THSD7B: variants seen among roughly 807,000 people sequenced by gnomAD.
THSD7B encodes thrombospondin type-1 domain-containing protein 7B.
In THSD7B, 138 loss-of-function variants were observed where a neutral mutation model predicts 213.6. The observed-to-expected ratio is 0.65, with a 90% CI of 0.56 to 0.74. The LOEUF is 0.74. Ranked by LOEUF, THSD7B falls within the 30% of genes least tolerant of loss-of-function variation. The pLI, the probability that THSD7B is intolerant of heterozygous loss-of-function variation, is 0.00. For missense variants in THSD7B, 1,931 were observed against 1,991.5 expected (o/e 0.97, Z 0.58); for synonymous variants, 742 against 687.0 (o/e 1.08, Z -1.25).
At chr2:137,247,629 G>C (rs1056434436) in intron 10 of THSD7B, among the ~76,000 whole-genome samples, 1 of 152,142 alleles carries the variant, frequency 6.6e-6, no homozygotes, top group African/African-American at 2.4e-5. Flanking sequence ...TCTAAGGAGT[G>C]AGCTAGAGAG....
chr2:137,245,180 T>A (rs1681999069), intron 10 of THSD7B, among the ~76,000 whole-genome samples: 1 of 152,160 alleles, frequency 6.6e-6, no homozygotes, highest in Non-Finnish European at 1.5e-5. Context: ...TTTTCCCAGT[T>A]TAAGAGACTG....
At chr2:137,479,747 T>C (rs183119048) in intron 15 of THSD7B, among the ~76,000 whole-genome samples, 7 of 152,220 alleles carry the variant, frequency 4.6e-5, no homozygotes, top group African/African-American at 1.7e-4. Flanking sequence ...TTCAGAGATA[T>C]AAAGATGCAG....
chr2:136,943,826 A>G (rs1195999305), intron 2 of THSD7B, among the ~76,000 whole-genome samples: 1 of 152,176 alleles, frequency 6.6e-6, no homozygotes, highest in Non-Finnish European at 1.5e-5. Context: ...TCTTTTCAAA[A>G]AACCAGCTCC....
chr2:137,676,246 G>A (rs139850024), intron 27 of THSD7B, among the ~76,000 whole-genome samples: 1 of 152,254 alleles, frequency 6.6e-6, no homozygotes, highest in African/African-American at 2.4e-5. Flanking sequence ...AGACGTTCCT[G>A]TTGTTGTGTA....
intron 3 of THSD7B, among the ~76,000 whole-genome samples, chr2:137,073,510 A>G (rs1687547577): frequency 1.3e-5 from 2 of 152,072 alleles, no homozygotes; most frequent in Admixed American, 6.5e-5. Context: ...CGGTCTATCA[A>G]TTTTGTTGAT....
chr2:137,027,027 A>G (rs1322309020), intron 2 of THSD7B, among the ~76,000 whole-genome samples: 3 of 152,216 alleles, frequency 2.0e-5, no homozygotes, highest in Non-Finnish European at 4.4e-5. Flanking sequence ...TGCAGGCAGC[A>G]GTGTTCACAA....
intron 2 of THSD7B, among the ~76,000 whole-genome samples, chr2:136,891,895 T>C (rs1373584879): frequency 2.6e-5 from 4 of 152,192 alleles, no homozygotes; most frequent in Admixed American, 6.5e-5. Context: ...GTGTTCTCAC[T>C]TGGGTTCGTT....
chr2:137,158,220 T>A (rs1429224728), intron 5 of THSD7B, among the ~76,000 whole-genome samples: 1 of 152,194 alleles, frequency 6.6e-6, no homozygotes, highest in African/African-American at 2.4e-5. Flanking sequence ...ACCCTGGGGA[T>A]GAATCACAAA....
At chr2:137,645,309 G>C (rs1006545174) in intron 21 of THSD7B, among the ~76,000 whole-genome samples, 2 of 152,208 alleles carry the variant, frequency 1.3e-5, no homozygotes, top group African/African-American at 2.4e-5. Context: ...ACATTAGGCA[G>C]TAATGCCAAT....
intron 20 of THSD7B, among the ~76,000 whole-genome samples, chr2:137,624,110 G>A (rs1448614173): frequency 1.3e-5 from 2 of 152,284 alleles, no homozygotes; most frequent in Admixed American, 6.5e-5. Context: ...AAACAGCATG[G>A]TACTGGTACC....
intron 1 of THSD7B, among the ~76,000 whole-genome samples, chr2:136,772,639 A>G (rs1191863056): frequency 6.6e-6 from 1 of 152,102 alleles, no homozygotes; most frequent in African/African-American, 2.4e-5. Context: ...GTTCGATGTG[A>G]GTGGGGGTTG....
At chr2:137,155,019 A>G (rs994644753) in intron 5 of THSD7B, among the ~76,000 whole-genome samples, 1 of 152,216 alleles carries the variant, frequency 6.6e-6, no homozygotes, top group Non-Finnish European at 1.5e-5. Context: ...ATAATTTCAT[A>G]TTGCCAATGA....
At chr2:137,672,158 A>G (rs1683591722) in intron 27 of THSD7B, among the ~76,000 whole-genome samples, 1 of 152,198 alleles carries the variant, frequency 6.6e-6, no homozygotes, top group African/African-American at 2.4e-5. Flanking sequence ...ATTTTTAGAA[A>G]AACAGTATAG....
At chr2:137,292,883 G>T (rs1683369408) in intron 12 of THSD7B, among the ~76,000 whole-genome samples, 1 of 151,984 alleles carries the variant, frequency 6.6e-6, no homozygotes, top group Admixed American at 6.6e-5. Context: ...TCATCTTATG[G>T]GTTAAATTTG....
intron 16 of THSD7B, among the ~76,000 whole-genome samples, chr2:137,565,308 C>G (rs2105226417): frequency 6.6e-6 from 1 of 152,264 alleles, no homozygotes; most frequent in African/African-American, 2.4e-5. Flanking sequence ...ATTTATTAGG[C>G]TCATGGCTCT....
chr2:136,874,727 GT>G (rs1362570361), intron 1 of THSD7B, among the ~76,000 whole-genome samples: 3 of 152,140 alleles, frequency 2.0e-5, no homozygotes, highest in Non-Finnish European at 2.9e-5. Context: ...AGGAGAAACT[GT>G]GTTTTTTATT....
chr2:136,894,242 T>G (rs1250022851), intron 2 of THSD7B, among the ~76,000 whole-genome samples: 2 of 88,146 alleles, frequency 2.3e-5, no homozygotes, highest in African/African-American at 6.5e-5. Context: ...TGTGCTATGT[T>G]GCAAAAGAGT....
At chr2:137,314,089 T>C (rs1202489074) in intron 12 of THSD7B, among the ~76,000 whole-genome samples, 1 of 152,216 alleles carries the variant, frequency 6.6e-6, no homozygotes, top group Non-Finnish European at 1.5e-5. Context: ...CTGGATAATA[T>C]CCTGCAGAGT....
At chr2:137,091,306 T>G (rs1687944330) in intron 3 of THSD7B, among the ~76,000 whole-genome samples, 1 of 152,164 alleles carries the variant, frequency 6.6e-6, no homozygotes, top group African/African-American at 2.4e-5. Context: ...ACCACTACTT[T>G]AGCTGTATAC....
Sources: allele counts gnomAD v4.1 joint callset (sites outside exome capture counted in the v4.1 genomes callset), GRCh38; gene constraint gnomAD v4.1.1; transcripts MANE v1.5; gene names NCBI Gene and HGNC (gene_info 2026-07-23, HGNC 2026-07-21).